SHROOM2: variants seen among roughly 807,000 people sequenced by gnomAD.
SHROOM2 encodes protein Shroom2.
A neutral mutation model predicts 75.9 loss-of-function variants in SHROOM2; 33 were observed. That is an observed-to-expected ratio of 0.43 (90% CI 0.33 to 0.58). The LOEUF (loss-of-function observed/expected upper bound fraction) is 0.58. Ranked by LOEUF, SHROOM2 falls within the 20% of genes least tolerant of loss-of-function variation. The pLI is 0.04. For synonymous variants in SHROOM2, 655 were observed against 663.6 expected (o/e 0.99, Z 0.20); for missense variants, 1,434 against 1,461.2 (o/e 0.98, Z 0.30).
chrX:9,921,447 C>A (rs2084543948), intron 5 of SHROOM2, among the ~76,000 whole-genome samples: 1 of 102,511 alleles, frequency 9.8e-6, no homozygotes, highest in African/African-American at 3.5e-5. Context: ...TTTCTCCCAC[C>A]CTGTCAACCC....
chrX:9,926,736 G>A (rs1447669729), intron 5 of SHROOM2, among the ~76,000 whole-genome samples: 4 of 110,847 alleles, frequency 3.6e-5, no homozygotes, highest in East Asian at 2.8e-4. Context: ...ACTTTGTTTC[G>A]TGCACAAAAT....
At chrX:9,824,385 C>T (rs747498954) in intron 1 of SHROOM2, among the ~76,000 whole-genome samples, 2 of 111,233 alleles carry the variant, frequency 1.8e-5, no homozygotes, top group East Asian at 5.7e-4. Flanking sequence ...TTGCAGTGAG[C>T]GGAGATCGCA....
chrX:9,848,846 G>A (rs1415495933), intron 1 of SHROOM2, among the ~76,000 whole-genome samples: 1 of 111,483 alleles, frequency 9.0e-6, no homozygotes, highest in Admixed American at 9.6e-5. Context: ...GGTGCCCTGC[G>A]TGAGTGCAGC....
chrX:9,821,780 G>T (rs1446461941), intron 1 of SHROOM2, among the ~76,000 whole-genome samples: 1 of 111,943 alleles, frequency 8.9e-6, no homozygotes, highest in African/African-American at 3.3e-5. Flanking sequence ...CCGGGGCGGA[G>T]TGCAGAGGGG....
chrX:9,849,589 C>G (rs2084027336), intron 1 of SHROOM2, among the ~76,000 whole-genome samples: 1 of 111,296 alleles, frequency 9.0e-6, no homozygotes, highest in African/African-American at 3.3e-5. Flanking sequence ...CTTTACACGT[C>G]GCCTTAGAGC....
chrX:9,900,567 G>A lies in SHROOM2; in HGVS notation c.2891+2277G>A, dbSNP rs148927360. ...AATGTTGAGATCGGAATTGTTTTTT[G>A]TTGTTGTTGCTCATGTGAACCAAAT... On this transcript the variant is annotated intron_variant, in intron 5 of 9. Coordinates refer to ENST00000380913, the MANE Select transcript of SHROOM2 (RefSeq NM_001649.4). 1.8e-3 allele frequency among the ~76,000 whole-genome samples: 197 copies of A among 112,095 alleles called. 8 individuals are homozygous for A. The East Asian group carries it at 0.037, about 21-fold the overall frequency.
Position 9,895,548 on chromosome X carries a change from C to A in SHROOM2, c.1640C>A (p.Ala547Glu). The A allele has an allele frequency of 8.5e-7, 1 of 1,181,545 alleles. No individual in the cohort carries two copies. The change falls in exon 4 of 10, where the codon GCG becomes GAG. Residue 547 changes from alanine to glutamate, a missense_variant. Ala to Glu is a moderately radical substitution (Grantham distance 107). Coordinates refer to ENST00000380913, the MANE Select transcript of SHROOM2 (RefSeq NM_001649.4). ...GACAAAGGGGCCGAGGGCTGCTCCGCGGGAGCCCAGGAGCCTCCCAGGGCC... is the reference window on the plus strand; with the variant it reads ...GACAAAGGGGCCGAGGGCTGCTCCGAGGGAGCCCAGGAGCCTCCCAGGGCC... Reference protein sequence around the residue: ...PLDKGAEGCSAGAQEPPRASR... With the variant: ...PLDKGAEGCSEGAQEPPRASR...
chrX:9,941,689 C>T (rs1278263840), intron 8 of SHROOM2, among the ~76,000 whole-genome samples: 2 of 110,957 alleles, frequency 1.8e-5, no homozygotes, highest in Non-Finnish European at 3.8e-5. Flanking sequence ...ATTTCCTGAG[C>T]GGCCGGGCGC....
At chrX:9,810,467 C>A (rs1388325012) in intron 1 of SHROOM2, among the ~76,000 whole-genome samples, 2 of 111,316 alleles carry the variant, frequency 1.8e-5, no homozygotes, top group Non-Finnish European at 3.8e-5. Flanking sequence ...AACACTGTAA[C>A]TCCCTTCTTA....
At chrX:9,907,170 AG>A (rs1365371585) in intron 5 of SHROOM2, among the ~76,000 whole-genome samples, 3 of 111,519 alleles carry the variant, frequency 2.7e-5, no homozygotes, top group African/African-American at 9.8e-5. Context: ...CCTCTGAGTC[AG>A]GTATGTGGAT....
intron 1 of SHROOM2, among the ~76,000 whole-genome samples, chrX:9,807,937 A>G (rs1457430405): frequency 9.0e-6 from 1 of 111,474 alleles, no homozygotes; most frequent in Non-Finnish European, 1.9e-5. Context: ...GAAAAGAGGA[A>G]GAGAGCCTGA....
chrX:9,943,846 A>G, intron 8 of SHROOM2, among the ~76,000 whole-genome samples: 1 of 112,162 alleles, frequency 8.9e-6, no homozygotes, highest in Non-Finnish European at 1.9e-5. Context: ...AGTATTAGCA[A>G]TTAAAATTTT....
intron 6 of SHROOM2, among the ~76,000 whole-genome samples, chrX:9,934,773 G>A (rs757835809): frequency 4.5e-4 from 50 of 110,825 alleles, no homozygotes; most frequent in Non-Finnish European, 8.1e-4. Context: ...TAGGAGATTT[G>A]TTTTTTTTCC....
Position 9,946,754 on chromosome X carries a change from G to C in SHROOM2, c.4668G>C (p.Glu1556Asp). The C allele has an allele frequency of 8.3e-7, 1 of 1,203,753 alleles. No individual in the cohort carries two copies. The highest frequency in any genetic ancestry group is 1.1e-6 in the Non-Finnish European group (1 of 891,586). ...KELKENLDRRERIVFDILANY... is the reference protein window; with the variant it reads ...KELKENLDRRDRIVFDILANY... Reference sequence around the variant, plus strand: ...TCAAGGAGAACCTGGACCGCCGCGAGCGCATCGTCTTTGACATTTTGGCCA... The same window carrying C: ...TCAAGGAGAACCTGGACCGCCGCGACCGCATCGTCTTTGACATTTTGGCCA... The change falls in exon 10 of 10, where the codon GAG (glutamate) becomes GAC (aspartate). Residue 1556 changes from glutamate (E) to aspartate (D), a missense_variant. Around this residue, in one of 3 missense-constraint regions of SHROOM2, gnomAD observed 80 missense variants for 88.4 expected, o/e 0.90. Coordinates refer to ENST00000380913, the MANE Select transcript of SHROOM2 (RefSeq NM_001649.4).
chrX:9,801,441 C>T (rs947093358), intron 1 of SHROOM2, among the ~76,000 whole-genome samples: 1 of 112,056 alleles, frequency 8.9e-6, no homozygotes, highest in Non-Finnish European at 1.9e-5. Flanking sequence ...CTTGATCCTT[C>T]AGTCCTGCAT....
intron 1 of SHROOM2, among the ~76,000 whole-genome samples, chrX:9,848,510 C>CACCAAAA (rs1555927073): frequency 5.4e-4 from 12 of 22,027 alleles, no homozygotes; most frequent in Admixed American, 2.2e-3. Context: ...GACTCCGTCT[C>CACCAAAA]AAAAAAAAAA....
At chrX:9,830,288 C>A (rs2083908687) in intron 1 of SHROOM2, among the ~76,000 whole-genome samples, 1 of 111,853 alleles carries the variant, frequency 8.9e-6, no homozygotes, top group Non-Finnish European at 1.9e-5. Context: ...ATTCCACTTT[C>A]TGGTTCTATG....
chrX:9,855,800 C>A (rs2084066977), intron 1 of SHROOM2, among the ~76,000 whole-genome samples: 1 of 111,297 alleles, frequency 9.0e-6, no homozygotes, highest in Non-Finnish European at 1.9e-5. Context: ...GAACTAGGCA[C>A]ACGCTTAACT....
intron 3 of SHROOM2, among the ~76,000 whole-genome samples, chrX:9,893,781 G>A (rs2084306817): frequency 1.8e-5 from 2 of 109,436 alleles, no homozygotes; most frequent in African/African-American, 3.3e-5. Context: ...GTGAAACCCC[G>A]TCTCTACTAA....
Sources: allele counts gnomAD v4.1 joint callset (sites outside exome capture counted in the v4.1 genomes callset), GRCh38; gene constraint gnomAD v4.1.1; regional missense constraint gnomAD v4.1.1; transcripts MANE v1.5; gene names NCBI Gene and HGNC (gene_info 2026-07-23, HGNC 2026-07-21).